The following F13A1 variants were observed in gnomAD, a reference collection of about 807,000 sequenced individuals.
F13A1 encodes the protein coagulation factor XIII A chain.
A neutral mutation model predicts 80.1 loss-of-function variants in F13A1; 47 were observed. The ratio of observed to expected loss-of-function variants is 0.59; its 90% CI spans 0.46 to 0.75. F13A1 has a LOEUF of 0.75. F13A1 is among the 30% of genes least tolerant of loss of function. The probability of loss-of-function intolerance (pLI) is 0.00; values close to 1 mark genes in which losing one functional copy is unlikely to be tolerated. For missense variants in F13A1, 817 were observed against 930.4 expected, an observed-to-expected ratio of 0.88 and a Z score of 1.59; for synonymous variants, 349 against 344.9, an observed-to-expected ratio of 1.01 and a Z score of -0.13.
rs1470003187 is a variant in F13A1, at chr6:6,317,755, A to G, written c.130+780T>C. ...CCCAGCACAGAACACCCTTAGGAGTAAAATTAGATTTTGGTGCATGAATGT... is the reference window on the plus strand; with the variant it reads ...CCCAGCACAGAACACCCTTAGGAGTGAAATTAGATTTTGGTGCATGAATGT... On this transcript the variant is annotated intron_variant, in intron 2 of 14. Coordinates refer to ENST00000264870, the MANE Select transcript of F13A1 (RefSeq NM_000129.4). Among the ~76,000 whole-genome samples the G allele has an allele frequency of 3.3e-5, 5 of 152,180 alleles. No homozygotes were observed. In the East Asian group the frequency reaches 9.6e-4, roughly 29 times the overall value.
intron 6 of F13A1, among the ~76,000 whole-genome samples, chr6:6,237,556 C>G (rs938211479): frequency 6.6e-6 from 1 of 152,176 alleles, no homozygotes; most frequent in African/African-American, 2.4e-5. Context: ...AATGTCCATC[C>G]ACACTCAAAC....
chr6:6,198,983 G>A (rs970375155), intron 8 of F13A1, among the ~76,000 whole-genome samples: 5 of 152,168 alleles, frequency 3.3e-5, no homozygotes, highest in Non-Finnish European at 4.4e-5. Context: ...AAGTTACAGC[G>A]GCATGAAATA....
intron 13 of F13A1, among the ~76,000 whole-genome samples, chr6:6,161,740 T>G (rs976930252): frequency 3.9e-5 from 6 of 152,176 alleles, no homozygotes; most frequent in African/African-American, 7.2e-5. Flanking sequence ...GATCACACAC[T>G]CTGACTCACA....
chr6:6,306,814 C>T (rs1234039665), intron 2 of F13A1, among the ~76,000 whole-genome samples: 3 of 152,256 alleles, frequency 2.0e-5, no homozygotes, highest in African/African-American at 7.2e-5. Flanking sequence ...GCCGGGGCAT[C>T]TCCTGCCATA....
chr6:6,266,231 TG>T (rs993562677), intron 4 of F13A1, among the ~76,000 whole-genome samples: 1 of 152,122 alleles, frequency 6.6e-6, no homozygotes, highest in Non-Finnish European at 1.5e-5. Flanking sequence ...TACATGAGCT[TG>T]TTTTTTTTCT....
In F13A1 at chr6:6,266,770, A is replaced by C; in HGVS notation, c.359T>G (p.Val120Gly). 1 of 1,614,222 alleles carries C rather than the reference A, an allele frequency of 6.2e-7. No individual in the cohort carries two copies. The highest frequency in any genetic ancestry group is 8.5e-7 in the Non-Finnish European group (1 of 1,180,036). The change falls in exon 4 of 15, where the codon GTG becomes GGG. Residue 120 changes from valine (V) to glycine (G), a missense_variant. Physicochemically the swap from Val to Gly is moderately radical, Grantham distance 109. Coordinates refer to ENST00000264870, the MANE Select transcript of F13A1 (RefSeq NM_000129.4). ...PQENKGTYIP[V>G]PIVSELQSGK... ...ACTTTGTAACTCTGAGACTATAGGCACTGGGATGTAGGTTCCCTTGTTCTC... is the reference window on the plus strand; with the variant it reads ...ACTTTGTAACTCTGAGACTATAGGCCCTGGGATGTAGGTTCCCTTGTTCTC...
intron 13 of F13A1, among the ~76,000 whole-genome samples, chr6:6,163,362 G>T (rs1482704275): frequency 6.6e-6 from 1 of 152,072 alleles, no homozygotes; most frequent in Admixed American, 6.6e-5. Context: ...TAAGTTCAGG[G>T]GTACATGTGC....
At chr6:6,247,686 T>C (rs186412905) in intron 6 of F13A1, among the ~76,000 whole-genome samples, 8 of 152,340 alleles carry the variant, frequency 5.3e-5, no homozygotes, top group Admixed American at 2.0e-4. Flanking sequence ...ATGTCTAGAT[T>C]TGAAGTCAGC....
chr6:6,293,950 A>T (rs774605081), intron 3 of F13A1, among the ~76,000 whole-genome samples: 9 of 152,154 alleles, frequency 5.9e-5, no homozygotes, highest in Non-Finnish European at 1.3e-4. Flanking sequence ...GGCACAGGGA[A>T]TGAGAGAGCA....
chr6:6,144,319 G>A lies in F13A1; in HGVS notation c.*1300C>T, dbSNP rs57154463. The A allele has an allele frequency of 6.6e-6, 1 of 152,166 alleles. No homozygotes were observed. Among genetic ancestry groups the A allele is most frequent in the Non-Finnish European group, 1.5e-5 (1 of 68,048 alleles). 9.4% of individuals were successfully genotyped at this position (152,166 alleles called of 1,614,324 possible). ...GCTCAGGAACAGTCTCAAAGGCTTA[G>A]AAATGTGGTTATATAGACCAGAGCA... On this transcript the variant is annotated 3_prime_UTR_variant, in exon 15 of 15. Transcript: ENST00000264870.
intron 12 of F13A1, among the ~76,000 whole-genome samples, chr6:6,174,232 A>C: frequency 6.6e-6 from 1 of 152,148 alleles, no homozygotes; most frequent in African/African-American, 2.4e-5. Flanking sequence ...TCTACTAAAA[A>C]TACAAAAATT....
intron 2 of F13A1, among the ~76,000 whole-genome samples, chr6:6,317,397 GC>G (rs1758700736): frequency 6.6e-6 from 1 of 152,086 alleles, no homozygotes; most frequent in Admixed American, 6.5e-5. Context: ...GTTCGTCTTA[GC>G]CCCTCAAACT....
intron 2 of F13A1, among the ~76,000 whole-genome samples, chr6:6,314,416 C>A (rs1758651351): frequency 6.6e-6 from 1 of 152,152 alleles, no homozygotes; most frequent in East Asian, 1.9e-4. Flanking sequence ...CATCTTTTCC[C>A]AGGCTTATAT....
At chr6:6,309,690 T>C (rs1210550919) in intron 2 of F13A1, among the ~76,000 whole-genome samples, 4 of 152,094 alleles carry the variant, frequency 2.6e-5, no homozygotes, top group African/African-American at 9.7e-5. Context: ...ATTAGATTTA[T>C]ATATATATTG....
At chr6:6,253,212 A>G (rs531788653) in intron 4 of F13A1, among the ~76,000 whole-genome samples, 7 of 152,126 alleles carry the variant, frequency 4.6e-5, no homozygotes, top group African/African-American at 1.7e-4. Context: ...GTTGAAAAAG[A>G]AGAAAGATTG....
chr6:6,229,461 T>TA (rs938353066), intron 6 of F13A1, among the ~76,000 whole-genome samples: 5 of 152,048 alleles, frequency 3.3e-5, no homozygotes, highest in Non-Finnish European at 7.4e-5. Flanking sequence ...AAAATACTAA[T>TA]AAAAAACCAA....
intron 11 of F13A1, 37 bp downstream of exon 11, chr6:6,181,951 T>G: frequency 6.2e-7 from 1 of 1,612,274 alleles, no homozygotes; most frequent in Non-Finnish European, 8.5e-7. Context: ...TCAATGGACT[T>G]GGGCAAATAA....
At chr6:6,299,256 T>C (rs1281845158) in intron 3 of F13A1, among the ~76,000 whole-genome samples, 1 of 112,236 alleles carries the variant, frequency 8.9e-6, no homozygotes, top group Non-Finnish European at 1.7e-5. Flanking sequence ...GGAGTATCTT[T>C]GTGGCGTTCT....
chr6:6,156,852 C>G (rs890713283), intron 13 of F13A1, among the ~76,000 whole-genome samples: 1 of 152,180 alleles, frequency 6.6e-6, no homozygotes, highest in African/African-American at 2.4e-5. Flanking sequence ...GACTCAAAAG[C>G]CTCATATGGC....
Sources: allele counts gnomAD v4.1 joint callset (sites outside exome capture counted in the v4.1 genomes callset), GRCh38; gene constraint gnomAD v4.1.1; transcripts MANE v1.5; gene names NCBI Gene and HGNC (gene_info 2026-07-23, HGNC 2026-07-21).